The following RALYL variants were observed in gnomAD, a reference collection of about 807,000 sequenced individuals.
RALYL encodes the protein RALY RNA binding protein like, also known as RNA-binding Raly-like protein.
A neutral mutation model predicts 35.1 loss-of-function variants in RALYL; 29 were observed. The ratio of observed to expected loss-of-function variants is 0.83; its 90% CI spans 0.61 to 1.13. The LOEUF (loss-of-function observed/expected upper bound fraction) is 1.13. Among genes scored for constraint, RALYL ranks in the 50% most tolerant of loss-of-function variants. The pLI is 0.00. For missense variants in RALYL, 359 were observed against 360.4 expected (o/e 1.00, Z 0.03); for synonymous variants, 120 against 127.6 (o/e 0.94, Z 0.40).
chr8:84,605,047 G>A (rs1340567779), intron 2 of RALYL, among the ~76,000 whole-genome samples: 2 of 152,024 alleles, frequency 1.3e-5, no homozygotes, highest in Non-Finnish European at 2.9e-5. Flanking sequence ...CCCTTGAAAA[G>A]ATGAATTTTT....
intron 1 of RALYL, among the ~76,000 whole-genome samples, chr8:84,399,983 G>A (rs910309625): frequency 2.6e-5 from 4 of 152,160 alleles, no homozygotes; most frequent in Non-Finnish European, 2.9e-5. Flanking sequence ...CAGGCATGGC[G>A]GCACATGCCT....
chr8:84,430,332 G>A (rs773031627), intron 1 of RALYL, among the ~76,000 whole-genome samples: 4 of 152,208 alleles, frequency 2.6e-5, no homozygotes, highest in Middle Eastern at 3.4e-3. Context: ...TTAGTTATTT[G>A]AAGACAATTG....
intron 1 of RALYL, among the ~76,000 whole-genome samples, chr8:84,440,029 T>C (rs1209868327): frequency 6.6e-6 from 1 of 152,134 alleles, no homozygotes; most frequent in African/African-American, 2.4e-5. Flanking sequence ...TCACAGTTAA[T>C]TCTTAATATC....
At chr8:84,789,842 C>A (rs1285859398) in intron 3 of RALYL, among the ~76,000 whole-genome samples, 1 of 151,502 alleles carries the variant, frequency 6.6e-6, no homozygotes, top group Non-Finnish European at 1.5e-5. Context: ...AGAGTGAGAC[C>A]CTGTTTCAAA....
chr8:84,183,085 A>G (rs765658435), upstream of RALYL: 16 of 157,562 alleles, frequency 1.0e-4, no homozygotes, highest in Non-Finnish European at 1.7e-4. Flanking sequence ...CACACTCCCA[A>G]TGCGAGGCGG....
intron 1 of RALYL, among the ~76,000 whole-genome samples, chr8:84,268,377 CT>C (rs1833706946): frequency 6.6e-6 from 1 of 152,146 alleles, no homozygotes; most frequent in Non-Finnish European, 1.5e-5. Flanking sequence ...AGAGACTTCA[CT>C]TTTAAAACTC....
intron 2 of RALYL, among the ~76,000 whole-genome samples, chr8:84,548,738 C>T (rs1484634015): frequency 6.6e-6 from 1 of 152,214 alleles, no homozygotes; most frequent in South Asian, 2.1e-4. Context: ...AACTTGAGTT[C>T]TCTTTACTGC....
At chr8:84,266,727 G>A (rs1311023524) in intron 1 of RALYL, among the ~76,000 whole-genome samples, 5 of 152,076 alleles carry the variant, frequency 3.3e-5, no homozygotes, top group African/African-American at 7.2e-5. Flanking sequence ...TTGGGAGGCC[G>A]AGGCGGGCGG....
chr8:84,807,439 T>C (rs1484846786), intron 4 of RALYL, among the ~76,000 whole-genome samples: 2 of 152,252 alleles, frequency 1.3e-5, no homozygotes, highest in African/African-American at 4.8e-5. Context: ...GGGTTGGTTC[T>C]ATGATTTTGC....
At chr8:84,494,187 C>T (rs1364943643) in intron 1 of RALYL, among the ~76,000 whole-genome samples, 2 of 152,068 alleles carry the variant, frequency 1.3e-5, no homozygotes, top group Non-Finnish European at 2.9e-5. Flanking sequence ...TTGTTTTTAT[C>T]AGGTTTGTTG....
At chr8:84,865,204 AG>A (rs1216432567) in intron 6 of RALYL, among the ~76,000 whole-genome samples, 1 of 152,184 alleles carries the variant, frequency 6.6e-6, no homozygotes, top group African/African-American at 2.4e-5. Context: ...AAATAACAAA[AG>A]TTTCTAACTC....
chr8:84,578,584 G>T (rs565263260), intron 2 of RALYL, among the ~76,000 whole-genome samples: 4 of 152,258 alleles, frequency 2.6e-5, no homozygotes, highest in South Asian at 4.1e-4. Context: ...CCTGAAGTGG[G>T]TAGCTCATTT....
intron 1 of RALYL, among the ~76,000 whole-genome samples, chr8:84,296,623 ATTTTTTTTTTTTT>A (rs397891420): frequency 5.2e-5 from 4 of 76,644 alleles, no homozygotes; most frequent in African/African-American, 2.0e-4. Flanking sequence ...TCTCTCTTGC[ATTTTTTTTTTTTT>A]TTTTTTTTTT....
chr8:84,217,306 A>G (rs1367206750), intron 1 of RALYL, among the ~76,000 whole-genome samples: 1 of 152,142 alleles, frequency 6.6e-6, no homozygotes, highest in Non-Finnish European at 1.5e-5. Flanking sequence ...TTATTAGTCA[A>G]AAAGAATGAT....
At chr8:84,906,010 A>G (rs1846430239) in intron 8 of RALYL, among the ~76,000 whole-genome samples, 1 of 152,162 alleles carries the variant, frequency 6.6e-6, no homozygotes, top group Admixed American at 6.6e-5. Context: ...CCAGCAATTC[A>G]TTGAAGTAAA....
At chr8:84,511,563 C>A (rs2057624801) in intron 1 of RALYL, among the ~76,000 whole-genome samples, 1 of 152,122 alleles carries the variant, frequency 6.6e-6, no homozygotes, top group African/African-American at 2.4e-5. Context: ...CATTTGAAAT[C>A]ATTTCTACTA....
chr8:84,509,756 C>G (rs182060057), intron 1 of RALYL, among the ~76,000 whole-genome samples: 48 of 152,206 alleles, frequency 3.2e-4, no homozygotes, highest in Admixed American at 5.2e-4. Flanking sequence ...TATTCCAGAA[C>G]CATTTATTAA....
intron 1 of RALYL, among the ~76,000 whole-genome samples, chr8:84,416,235 A>G (rs2132274471): frequency 6.6e-6 from 1 of 152,350 alleles, no homozygotes; most frequent in South Asian, 2.1e-4. Flanking sequence ...AAAGTAGACA[A>G]AAGTATACCT....
chr8:84,820,238 C>A (rs1180585059), intron 4 of RALYL, among the ~76,000 whole-genome samples: 1 of 152,148 alleles, frequency 6.6e-6, no homozygotes, highest in East Asian at 1.9e-4. Flanking sequence ...TTTTAAAAAG[C>A]AAGTCTTATG....
Sources: gnomAD v4.1 joint callset for allele counts (sites outside exome capture counted in the v4.1 genomes callset) on GRCh38, gnomAD v4.1.1 for gene constraint, MANE v1.5 for transcripts, NCBI Gene and HGNC (gene_info 2026-07-23, HGNC 2026-07-21) for gene names.